The following CSMD1 variants were observed in gnomAD, a reference collection of about 807,000 sequenced individuals.
CSMD1 encodes the protein CUB and Sushi multiple domains 1.
CSMD1 carries 213 observed loss-of-function variants against 417.5 expected under a neutral mutation model. That is an observed-to-expected ratio of 0.51 (90% CI 0.46 to 0.57). CSMD1 has a LOEUF of 0.57. Ranked by LOEUF, CSMD1 falls within the 20% of genes least tolerant of loss-of-function variation. The pLI, the probability that CSMD1 is intolerant of heterozygous loss-of-function variation, is 0.00. For synonymous variants in CSMD1, 2,862 were observed against 1,736.8 expected (o/e 1.65, Z -16.11); for missense variants, 6,923 against 4,529.7 (o/e 1.53, Z -15.17).
chr8:3,926,203 A>G (rs1034938179), intron 5 of CSMD1, among the ~76,000 whole-genome samples: 5 of 152,146 alleles, frequency 3.3e-5, no homozygotes, highest in African/African-American at 1.2e-4. Flanking sequence ...GATTTTAAGT[A>G]CTAATAACGT....
intron 3 of CSMD1, among the ~76,000 whole-genome samples, chr8:4,336,689 A>G (rs1232017130): frequency 6.6e-6 from 1 of 152,140 alleles, no homozygotes; most frequent in Non-Finnish European, 1.5e-5. Context: ...CTTCGAAGAC[A>G]AAGTAGAGAT....
At chr8:4,452,051 G>C (rs934323671) in intron 2 of CSMD1, among the ~76,000 whole-genome samples, 3 of 151,922 alleles carry the variant, frequency 2.0e-5, no homozygotes, top group Non-Finnish European at 2.9e-5. Context: ...GGGTGGAAGA[G>C]GAAGATTAGG....
chr8:4,009,617 T>C (rs1020062338), intron 4 of CSMD1, among the ~76,000 whole-genome samples: 1 of 152,126 alleles, frequency 6.6e-6, no homozygotes, highest in Admixed American at 6.5e-5. Context: ...TGGGGAAATA[T>C]CCAGGAAAGA....
chr8:4,584,591 G>A (rs1251333200), intron 2 of CSMD1, among the ~76,000 whole-genome samples: 1 of 152,034 alleles, frequency 6.6e-6, no homozygotes, highest in Non-Finnish European at 1.5e-5. Context: ...GGGCTGAGCC[G>A]AGGGTCTACA....
intron 3 of CSMD1, 22 bp downstream of exon 3, chr8:4,419,931 C>G: frequency 6.8e-7 from 1 of 1,478,712 alleles, no homozygotes; most frequent in Admixed American, 1.9e-5. Flanking sequence ...AATGCATGTG[C>G]AAAACACAAC....
intron 3 of CSMD1, among the ~76,000 whole-genome samples, chr8:4,349,353 C>T (rs536517640): frequency 6.6e-6 from 1 of 152,096 alleles, no homozygotes; most frequent in African/African-American, 2.4e-5. Flanking sequence ...TAGGTGTTAT[C>T]GTATTTTACA....
chr8:3,078,281 A>G (rs945293421), intron 49 of CSMD1, among the ~76,000 whole-genome samples: 4 of 152,292 alleles, frequency 2.6e-5, no homozygotes, highest in Admixed American at 6.5e-5. Context: ...TGACTACAAT[A>G]CTGCTTTTAT....
chr8:3,837,936 A>G (rs1299512570), intron 5 of CSMD1, among the ~76,000 whole-genome samples: 1 of 152,226 alleles, frequency 6.6e-6, no homozygotes, highest in East Asian at 1.9e-4. Context: ...TTTCAAATAA[A>G]TGTCCTTTAA....
chr8:3,193,600 C>G (rs1485472137), intron 33 of CSMD1, among the ~76,000 whole-genome samples: 1 of 152,062 alleles, frequency 6.6e-6, no homozygotes, highest in African/African-American at 2.4e-5. Flanking sequence ...CATTCTCTAT[C>G]CTTTAGTAAA....
chr8:3,433,113 T>C (rs1016359528), intron 12 of CSMD1, among the ~76,000 whole-genome samples: 1 of 152,204 alleles, frequency 6.6e-6, no homozygotes, highest in African/African-American at 2.4e-5. Flanking sequence ...ATACAGAGAT[T>C]GGAAGGTTAG....
At chr8:3,974,437 T>C (rs978712702) in intron 5 of CSMD1, among the ~76,000 whole-genome samples, 1 of 152,018 alleles carries the variant, frequency 6.6e-6, no homozygotes, top group African/African-American at 2.4e-5. Flanking sequence ...TTCATAAGGG[T>C]ATGTGCAAAT....
intron 1 of CSMD1, among the ~76,000 whole-genome samples, chr8:4,917,854 CTG>C (rs1365940562): frequency 3.9e-5 from 6 of 152,072 alleles, no homozygotes; most frequent in Admixed American, 3.9e-4. Flanking sequence ...TTTCCAAAGA[CTG>C]TAACATTTGA....
In CSMD1 at chr8:4,390,066, G is replaced by C. The variant is rs150989183; in HGVS notation, c.415+29887C>G. ...TAATTTACATTTTCTAGAGCAATTT[G>C]AGAATTACCACTTCTATGCATTCTC... is the stretch of plus-strand genomic sequence containing the variant. On this transcript the variant is annotated intron_variant, in intron 3 of 69. Transcript: ENST00000635120. 9.1e-4 allele frequency among the ~76,000 whole-genome samples: 138 copies of C among 152,244 alleles called. 1 individual carries two copies. The highest frequency in any genetic ancestry group is 3.1e-3 in the African/African-American group (127 of 41,540).
At chr8:3,371,676 G>C (rs1348873662) in intron 18 of CSMD1, among the ~76,000 whole-genome samples, 1 of 152,118 alleles carries the variant, frequency 6.6e-6, no homozygotes, top group African/African-American at 2.4e-5. Context: ...ATCTATGAAA[G>C]ATGTGACTAG....
chr8:3,062,578 G>A (rs1451803270), intron 49 of CSMD1, among the ~76,000 whole-genome samples: 1 of 148,264 alleles, frequency 6.7e-6, no homozygotes, highest in African/African-American at 2.5e-5. Flanking sequence ...AAGCCCAGCA[G>A]CTATGAAATG....
chr8:4,688,333 A>C (rs1408469104), intron 1 of CSMD1, among the ~76,000 whole-genome samples: 1 of 152,214 alleles, frequency 6.6e-6, no homozygotes, highest in Non-Finnish European at 1.5e-5. Flanking sequence ...AGGTCAAGTC[A>C]CCAGAACTAA....
intron 6 of CSMD1, among the ~76,000 whole-genome samples, chr8:3,752,287 G>C (rs1000621368): frequency 5.9e-5 from 9 of 152,268 alleles, no homozygotes; most frequent in African/African-American, 2.2e-4. Context: ...TGCAACCAAA[G>C]AAGATCAAGC....
At chr8:3,451,912 G>C (rs1303846855) in intron 12 of CSMD1, among the ~76,000 whole-genome samples, 1 of 152,112 alleles carries the variant, frequency 6.6e-6, no homozygotes, top group Non-Finnish European at 1.5e-5. Flanking sequence ...TGGGCAGTAT[G>C]GCCATTTTCA....
chr8:4,624,406 G>T (rs530994218), intron 2 of CSMD1, among the ~76,000 whole-genome samples: 2 of 152,228 alleles, frequency 1.3e-5, no homozygotes, highest in Admixed American at 1.3e-4. Flanking sequence ...CAACTTCTTT[G>T]GATGCCTTTC....
Sources: gnomAD v4.1 joint callset for allele counts (sites outside exome capture counted in the v4.1 genomes callset) on GRCh38, gnomAD v4.1.1 for gene constraint, MANE v1.5 for transcripts, NCBI Gene and HGNC (gene_info 2026-07-23, HGNC 2026-07-21) for gene names.